Variants in KLHL29 observed in about 807,000 individuals in gnomAD.
KLHL29 encodes the protein kelch-like protein 29.
A neutral mutation model predicts 80.4 loss-of-function variants in KLHL29; 21 were observed. That is an observed-to-expected ratio of 0.26 (90% CI 0.19 to 0.38). KLHL29 has a LOEUF of 0.38. Ranked by LOEUF, KLHL29 falls within the 10% of genes least tolerant of loss-of-function variation. The probability of loss-of-function intolerance (pLI) is 1.00; values close to 1 mark genes in which losing one functional copy is unlikely to be tolerated. For missense variants in KLHL29, 867 were observed against 1,223.9 expected (o/e 0.71, Z 4.35); for synonymous variants, 511 against 526.8 (o/e 0.97, Z 0.41).
In KLHL29 at chr2:23,571,318, G is replaced by T. The variant is rs576375426; in HGVS notation, c.285+8837G>T. 2.6e-5 allele frequency among the ~76,000 whole-genome samples: 4 copies of T among 152,368 alleles called. No homozygotes were observed. The East Asian group carries it at 7.7e-4, about 29-fold the overall frequency. On this transcript the variant is annotated intron_variant, in intron 3 of 13. Coordinates refer to ENST00000486442, the MANE Select transcript of KLHL29 (RefSeq NM_052920.2). ...GGTGAGTTGATTGTGCCAGCTGCAGGCAGAGCTGGAGAATGAGCCAGGCCT... is the reference window on the plus strand; with the variant it reads ...GGTGAGTTGATTGTGCCAGCTGCAGTCAGAGCTGGAGAATGAGCCAGGCCT...
At chr2:23,432,732 CAGGTGCTG>C (rs1240247928) in intron 1 of KLHL29, among the ~76,000 whole-genome samples, 1 of 152,198 alleles carries the variant, frequency 6.6e-6, no homozygotes, top group Non-Finnish European at 1.5e-5. Flanking sequence ...AGGAGCTGTG[CAGGTGCTG>C]AGGCAGGAGG....
intron 3 of KLHL29, among the ~76,000 whole-genome samples, chr2:23,623,838 T>C (rs1487058947): frequency 1.3e-5 from 2 of 152,206 alleles, no homozygotes; most frequent in Admixed American, 1.3e-4. Flanking sequence ...GTTGGCATCT[T>C]GTATTCAGAA....
rs952458423 is a variant in KLHL29, at chr2:23,580,936, C to T, written c.285+18455C>T. The stretch of plus-strand genomic sequence containing the variant: ...GAGGTTGCAGTGAGCCGAGATCACG[C>T]CACTGCACTCCAGCCTGGTGACACA... On this transcript the variant is annotated intron_variant, in intron 3 of 13. Transcript: ENST00000486442. Among the ~76,000 whole-genome samples, 4 of 152,116 alleles carry T rather than the reference C, an allele frequency of 2.6e-5. No homozygotes were observed. In the East Asian group the frequency reaches 7.7e-4, roughly 29 times the overall value.
intron 2 of KLHL29, among the ~76,000 whole-genome samples, chr2:23,525,899 T>C (rs1245663766): frequency 6.6e-6 from 1 of 152,222 alleles, no homozygotes; most frequent in Non-Finnish European, 1.5e-5. Context: ...TGTCTTACTG[T>C]GGCCTGGAGC....
In KLHL29 at chr2:23,647,066, A is replaced by G. The variant is rs151323678; in HGVS notation, c.940+4216A>G. Among the ~76,000 whole-genome samples, 2 of 152,338 alleles carry G rather than the reference A, an allele frequency of 1.3e-5. No individual in the cohort carries two copies. The highest frequency in any genetic ancestry group is 3.9e-4 in the East Asian group (2 of 5,184). The stretch of plus-strand genomic sequence containing the variant: ...TCCCCAGCGCAGAGGAGATGGAAGA[A>G]GCCCATGCTTGTCCACAGGGCTGGC... On this transcript the variant is annotated intron_variant, in intron 5 of 13. Coordinates refer to ENST00000486442, the MANE Select transcript of KLHL29 (RefSeq NM_052920.2). The surrounding 1 kb of genome is among the most constrained non-coding windows in gnomAD (Gnocchi z 4.9).
Position 23,708,120 on chromosome 2 carries a change from C to T in KLHL29, c.*1456C>T, listed in dbSNP as rs575921321. On this transcript the variant is annotated 3_prime_UTR_variant, in exon 14 of 14. Transcript: ENST00000486442. Reference sequence around the variant, plus strand: ...ATTTATAAGAGAAAAAGACAGGACACGCTTTCCATCGTTCAGTATTTGATG... The same window carrying T: ...ATTTATAAGAGAAAAAGACAGGACATGCTTTCCATCGTTCAGTATTTGATG... 172 of 152,332 alleles carry T rather than the reference C, an allele frequency of 1.1e-3. 1 individual carries two copies. Among genetic ancestry groups the T allele is most frequent in the African/African-American group, 4.0e-3 (166 of 41,556 alleles). 9.4% of individuals were successfully genotyped at this position (152,332 alleles called of 1,614,324 possible). A position where few individuals can be genotyped will look rare whatever the true frequency, so the allele number is the denominator to read the frequency against.
rs1382713023 is a variant in KLHL29, at chr2:23,457,311, G to T, written c.-153-18249G>T. On this transcript the variant is annotated intron_variant, in intron 1 of 13. Transcript: ENST00000486442. This position sits in a 1 kb window ranked among gnomAD's most constrained non-coding sequence, Gnocchi z 4.3. ...GTCTTTGGAGTCTGGAATGACTAAG[G>T]CAGGCCTTTCCTGTGAGAAGTGGTG... Among the ~76,000 whole-genome samples, 1 of 152,228 alleles carries T rather than the reference G, an allele frequency of 6.6e-6. No individual in the cohort carries two copies. The highest frequency in any genetic ancestry group is 2.1e-4 in the South Asian group (1 of 4,836).
intron 1 of KLHL29, among the ~76,000 whole-genome samples, chr2:23,388,980 TTTC>T (rs1553317242): frequency 2.2e-5 from 3 of 136,094 alleles, no homozygotes; most frequent in Non-Finnish European, 3.0e-5. Context: ...TTTTTCTTTC[TTTC>T]TTCTTCTTTT....
At chr2:23,561,435 G>T (rs1667444259) in intron 2 of KLHL29, among the ~76,000 whole-genome samples, 1 of 152,172 alleles carries the variant, frequency 6.6e-6, no homozygotes, top group South Asian at 2.1e-4. Context: ...AGAGGCCAGG[G>T]TACTCCGGGT....
rs1337871521 is a variant in KLHL29 at position 23,642,484 on chromosome 2, C to A, written c.574C>A (p.His192Asn). 1.3e-6 allele frequency: 2 copies of A among 1,518,834 alleles called. No individual in the cohort carries two copies. Among genetic ancestry groups the A allele is most frequent in the East Asian group, 2.5e-5 (1 of 40,438 alleles). 94.1% of individuals were successfully genotyped at this position (1,518,834 alleles called of 1,614,324 possible). ...VIGVTPSLPP[H>N]VGPQLPLMPG... is the part of the protein sequence containing the mutation. Reference sequence around the variant, plus strand: ...TGGGGTGACCCCCTCACTGCCTCCCCACGTGGGGCCCCAGCTCCCGCTGAT... The same window carrying A: ...TGGGGTGACCCCCTCACTGCCTCCCAACGTGGGGCCCCAGCTCCCGCTGAT... Residue 192 changes from histidine to asparagine, a missense_variant, in exon 5 of 14, where the codon CAC becomes AAC. Around this residue, in one of 2 missense-constraint regions of KLHL29, gnomAD observed 424 missense variants for 456.9 expected, o/e 0.93. Transcript: ENST00000486442.
intron 1 of KLHL29, among the ~76,000 whole-genome samples, chr2:23,417,704 C>T (rs1042958564): frequency 6.6e-6 from 1 of 152,198 alleles, no homozygotes; most frequent in Non-Finnish European, 1.5e-5. Flanking sequence ...TTTCTCTCCC[C>T]TCCAGCCTCA....
At chr2:23,692,327 G>A (rs1317090162) in intron 7 of KLHL29, among the ~76,000 whole-genome samples, 1 of 152,236 alleles carries the variant, frequency 6.6e-6, no homozygotes, top group African/African-American at 2.4e-5. Context: ...TGTCCCTTGA[G>A]TACCCAGATC....
intron 5 of KLHL29, among the ~76,000 whole-genome samples, chr2:23,648,798 C>G (rs1670008359): frequency 6.6e-6 from 1 of 152,224 alleles, no homozygotes; most frequent in Non-Finnish European, 1.5e-5. Flanking sequence ...GAGGATGTGG[C>G]TTGCAGCATG....
intron 1 of KLHL29, among the ~76,000 whole-genome samples, chr2:23,436,604 G>GT (rs1404297093): frequency 1.3e-5 from 2 of 152,176 alleles, no homozygotes; most frequent in African/African-American, 4.8e-5. Flanking sequence ...AAAGCCACAG[G>GT]TGCGCATTCA....
intron 1 of KLHL29, among the ~76,000 whole-genome samples, chr2:23,468,900 G>C (rs961353112): frequency 6.6e-6 from 1 of 152,238 alleles, no homozygotes. Flanking sequence ...ACTTGAGGTG[G>C]CCTCTTTCCT....
At chr2:23,495,350 G>A (rs1209234129) in intron 2 of KLHL29, among the ~76,000 whole-genome samples, 3 of 152,188 alleles carry the variant, frequency 2.0e-5, no homozygotes, top group Non-Finnish European at 4.4e-5. Context: ...TTTTGGTGAG[G>A]TGGGTCCAGG....
At chr2:23,397,248 G>A (rs1666473985) in intron 1 of KLHL29, among the ~76,000 whole-genome samples, 1 of 152,208 alleles carries the variant, frequency 6.6e-6, no homozygotes, top group Admixed American at 6.5e-5. Context: ...TTCTAGATGA[G>A]GGCTGTAGTG....
chr2:23,662,114 G>A (rs1670424807), intron 5 of KLHL29, among the ~76,000 whole-genome samples: 5 of 152,206 alleles, frequency 3.3e-5, no homozygotes. Flanking sequence ...CAGGAGGATG[G>A]GGCAGCTCCA....
chr2:23,497,889 A>G (rs960134214), intron 2 of KLHL29, among the ~76,000 whole-genome samples: 1 of 152,200 alleles, frequency 6.6e-6, no homozygotes. Flanking sequence ...AGCACCGGGT[A>G]GAAAGTATTC....
Sources: gnomAD v4.1 joint callset for allele counts (sites outside exome capture counted in the v4.1 genomes callset) on GRCh38, gnomAD v4.1.1 for gene constraint, gnomAD v4.1.1 regional missense constraint, Gnocchi (gnomAD v3.1) non-coding constraint, MANE v1.5 for transcripts, NCBI Gene and HGNC (gene_info 2026-07-23, HGNC 2026-07-21) for gene names.